Variants in TBCD observed in about 807,000 individuals in gnomAD.
TBCD encodes tubulin-specific chaperone D.
In TBCD, 105 loss-of-function variants were observed where a neutral mutation model predicts 169.3. That is an observed-to-expected ratio of 0.62 (90% confidence interval 0.53 to 0.73). The LOEUF is 0.73. Ranked by LOEUF, TBCD falls within the 30% of genes least tolerant of loss-of-function variation. TBCD has a pLI of 0.00. For synonymous variants in TBCD, 700 were observed against 643.9 expected, an observed-to-expected ratio of 1.09 and a Z score of -1.32; for missense variants, 1,444 against 1,600.1, an observed-to-expected ratio of 0.90 and a Z score of 1.66.
chr17:82,855,993 C>CTTTTTTTTTTTTTTTTTT (rs60978063), intron 13 of TBCD, among the ~76,000 whole-genome samples: 1 of 66,274 alleles, frequency 1.5e-5, no homozygotes, highest in African/African-American at 7.0e-5. Flanking sequence ...TCCCCCCCCA[C>CTTTTTTTTTTTTTTTTTT]TTTTTTTTTT....
intron 23 of TBCD, among the ~76,000 whole-genome samples, chr17:82,916,306 G>A (rs1220048753): frequency 1.3e-5 from 2 of 152,016 alleles, no homozygotes; most frequent in Non-Finnish European, 2.9e-5. Flanking sequence ...TCACAGTGGC[G>A]CGATCTCGGC....
At chr17:82,942,019 G>T (rs750626863) in intron 38 of TBCD, 11 of 270,936 alleles carry the variant, frequency 4.1e-5, no homozygotes, top group African/African-American at 4.5e-5. Context: ...CCGGCAGGAG[G>T]TTATATCTGA....
intron 13 of TBCD, among the ~76,000 whole-genome samples, chr17:82,817,839 T>G (rs1378675105): frequency 6.6e-6 from 1 of 152,240 alleles, no homozygotes; most frequent in Non-Finnish European, 1.5e-5. Context: ...GTGTCATAGC[T>G]AAGAAATCAT....
At chr17:82,753,033 C>G (rs1293914643) in intron 1 of TBCD, among the ~76,000 whole-genome samples, 1 of 152,152 alleles carries the variant, frequency 6.6e-6, no homozygotes, top group Admixed American at 6.5e-5. Flanking sequence ...TTCAGACCCA[C>G]CTTTACCGCT....
intron 17 of TBCD, among the ~76,000 whole-genome samples, chr17:82,894,722 A>G (rs898325478): frequency 5.3e-5 from 8 of 152,256 alleles, no homozygotes; most frequent in African/African-American, 1.9e-4. Flanking sequence ...GCAGTGGCTC[A>G]TGCCTGTAAT....
At chr17:82,925,835 G>A (rs749131284) in intron 27 of TBCD, among the ~76,000 whole-genome samples, 12 of 152,324 alleles carry the variant, frequency 7.9e-5, no homozygotes, top group East Asian at 5.8e-4. Flanking sequence ...AGGTCTCAGC[G>A]TAGGACAAAA....
chr17:82,927,946 T>C lies in TBCD; in HGVS notation c.2651T>C (p.Leu884Pro). The change falls in exon 30 of 39, where the codon CTT becomes CCT. Residue 884 changes from leucine (L) to proline (P), a missense_variant. By Grantham distance (98) the Leu-to-Pro change is moderately conservative (BLOSUM62 -3). Coordinates refer to ENST00000355528, the MANE Select transcript of TBCD (RefSeq NM_005993.5). ...AAMTSLMDLT[L>P]LLARSQPELI... ...ATGACCAGTCTGATGGATCTGACAC[T>C]TCTGCTGGCTCGGAGCCAGCCTGAG... The C allele has an allele frequency of 1.2e-6, 2 of 1,613,296 alleles. No individual in the cohort carries two copies. Among genetic ancestry groups the C allele is most frequent in the South Asian group, 2.2e-5 (2 of 91,088 alleles).
At chr17:82,754,840 C>T (rs56225483) in intron 1 of TBCD, among the ~76,000 whole-genome samples, 14,796 of 152,198 alleles carry the variant, frequency 0.097, 996 homozygotes, top group South Asian at 0.29. Flanking sequence ...GAGGAGAAAG[C>T]GGTGGTTCAG....
rs1412708609 is a variant in TBCD, at chr17:82,880,871, C to T, written c.1476-3274C>T. ...GCGTGGTGGTTTGTGGCCATCCTTG[C>T]AGTGTGAGTGAGCAAGTGGCCGAGG... On this transcript the variant is annotated intron_variant, in intron 14 of 38. Coordinates refer to ENST00000355528, the MANE Select transcript of TBCD (RefSeq NM_005993.5). This position sits in a 1 kb window ranked among gnomAD's most constrained non-coding sequence, Gnocchi z 5.0. Among the ~76,000 whole-genome samples, 3 of 152,120 alleles carry T rather than the reference C, an allele frequency of 2.0e-5. No homozygotes were observed. The highest frequency in any genetic ancestry group is 7.2e-5 in the African/African-American group (3 of 41,432).
chr17:82,926,544 A>G, intron 28 of TBCD, 53 bp downstream of exon 28: 6 of 1,481,670 alleles, frequency 4.0e-6, no homozygotes, highest in South Asian at 1.2e-5. Flanking sequence ...AGGCCAGCAG[A>G]TGAACGCTAA....
intron 9 of TBCD, among the ~76,000 whole-genome samples, chr17:82,801,633 C>T (rs1368117505): frequency 5.0e-4 from 42 of 83,464 alleles, no homozygotes; most frequent in East Asian, 1.2e-3. Flanking sequence ...TCAGAGTCAG[C>T]GTGGCAGGAG....
intron 2 of TBCD, among the ~76,000 whole-genome samples, chr17:82,762,742 C>G (rs2047829824): frequency 6.6e-6 from 1 of 151,266 alleles, no homozygotes; most frequent in Non-Finnish European, 1.5e-5. Context: ...GAGTGAGACT[C>G]TGTCTCCAAA....
Position 82,920,653 on chromosome 17 carries a change from T to C in TBCD, c.2101+35T>C. On this transcript the variant is annotated intron_variant, in intron 24 of 38. Coordinates refer to ENST00000355528, the MANE Select transcript of TBCD (RefSeq NM_005993.5). This position sits in a 1 kb window ranked among gnomAD's most constrained non-coding sequence, Gnocchi z 4.1. ...TTTGTTTTTAATAATAGCATTTTCTTACAGAATGACTTCAGATTAAAAGGT... is the reference window on the plus strand; with the variant it reads ...TTTGTTTTTAATAATAGCATTTTCTCACAGAATGACTTCAGATTAAAAGGT... The C allele has an allele frequency of 6.7e-7, 1 of 1,501,068 alleles. No homozygotes were observed. Among genetic ancestry groups the C allele is most frequent in the Non-Finnish European group, 9.0e-7 (1 of 1,110,252 alleles). The allele number at this position is 1,501,068 out of a possible 1,614,324, so 93.0% of individuals were successfully genotyped here. A position where few individuals can be genotyped will look rare whatever the true frequency, so the allele number is the denominator to read the frequency against.
intron 6 of TBCD, among the ~76,000 whole-genome samples, chr17:82,776,122 G>T (rs2144178197): frequency 6.6e-6 from 1 of 152,262 alleles, no homozygotes; most frequent in East Asian, 1.9e-4. Context: ...GGGAAGCTGA[G>T]GCAGGACAAT....
chr17:82,924,520 CCA>C lies in TBCD; in HGVS notation c.2261-416_2261-415del, dbSNP rs1270639811. Among the ~76,000 whole-genome samples, 4 of 152,266 alleles carry C rather than the reference CCA, an allele frequency of 2.6e-5. No individual in the cohort carries two copies. In the East Asian group the frequency reaches 7.7e-4, roughly 29 times the overall value. ...AAGTGTCACATGCACATATGTTGGC[CCA>C]CAGTGTTCCTTTATGTCATATGATA... On this transcript the variant is annotated intron_variant, in intron 26 of 38. Transcript: ENST00000355528.
rs750199690 is a variant in TBCD, at chr17:82,831,033, T to A, written c.1318+16099T>A. On this transcript the variant is annotated intron_variant, in intron 13 of 38. Transcript: ENST00000355528. The surrounding 1 kb of genome is among the most constrained non-coding windows in gnomAD (Gnocchi z 4.6). ...CATTTTCTTACCTTACTGGAGACTC[T>A]GCTGTGGTCTCAGCAGCCTGGGCAG... is the stretch of plus-strand genomic sequence containing the variant. 5.0e-6 allele frequency: 8 copies of A among 1,614,182 alleles called. No homozygotes were observed. In the Admixed American group the frequency reaches 1.3e-4, roughly 27 times the overall value.
rs1170653069 is a variant in TBCD at position 82,930,788 on chromosome 17, C to T, written c.3113+145C>T. ...CACGCTGTACCAGTTGGTGGCTCAGCGAGGAAGATGTGCCTGCAGCATATG... is the reference window on the plus strand; with the variant it reads ...CACGCTGTACCAGTTGGTGGCTCAGTGAGGAAGATGTGCCTGCAGCATATG... On this transcript the variant is annotated intron_variant, in intron 33 of 38. Transcript: ENST00000355528. The surrounding 1 kb of genome is among the most constrained non-coding windows in gnomAD (Gnocchi z 5.2). 27 of 1,334,420 alleles carry T rather than the reference C, an allele frequency of 2.0e-5. No homozygotes were observed. Among genetic ancestry groups the T allele is most frequent in the East Asian group, 2.4e-5 (1 of 41,244 alleles). 82.7% of individuals were successfully genotyped at this position (1,334,420 alleles called of 1,614,324 possible).
intron 8 of TBCD, among the ~76,000 whole-genome samples, chr17:82,799,440 TCAAA>T (rs2050336237): frequency 5.9e-5 from 1 of 16,978 alleles, no homozygotes; most frequent in Non-Finnish European, 9.3e-5. Context: ...AGACTCTGTC[TCAAA>T]AAAAAAAAAA....
At chr17:82,894,757 G>A (rs1260874027) in intron 17 of TBCD, among the ~76,000 whole-genome samples, 2 of 152,170 alleles carry the variant, frequency 1.3e-5, no homozygotes, top group Admixed American at 6.5e-5. Flanking sequence ...AGGCCAAGAC[G>A]GGCAGATCAC....
Sources: gnomAD v4.1 joint callset for allele counts (sites outside exome capture counted in the v4.1 genomes callset) on GRCh38, gnomAD v4.1.1 for gene constraint, Gnocchi (gnomAD v3.1) non-coding constraint, MANE v1.5 for transcripts, NCBI Gene and HGNC (gene_info 2026-07-23, HGNC 2026-07-21) for gene names.